The following PHYHIP variants were observed in gnomAD, a reference collection of about 807,000 sequenced individuals.
PHYHIP encodes phytanoyl-CoA 2-hydroxylase interacting protein.
A neutral mutation model predicts 26.1 loss-of-function variants in PHYHIP; 7 were observed. The observed-to-expected ratio is 0.27, with a 90% CI of 0.15 to 0.50. PHYHIP has a LOEUF of 0.50. Ranked by LOEUF, PHYHIP falls within the 20% of genes least tolerant of loss-of-function variation. PHYHIP has a pLI of 0.98. For synonymous variants in PHYHIP, 206 were observed against 183.4 expected (o/e 1.12, Z -1.00); for missense variants, 232 against 454.7 (o/e 0.51, Z 4.45).
At chr8:22,223,318 C>T (rs1829670340) in intron 4 of PHYHIP, among the ~76,000 whole-genome samples, 2 of 149,750 alleles carry the variant, frequency 1.3e-5, no homozygotes, top group South Asian at 2.1e-4. Flanking sequence ...GCAGAGATCG[C>T]GCCCCTGCAC....
intron 4 of PHYHIP, among the ~76,000 whole-genome samples, chr8:22,223,179 A>G (rs1829666615): frequency 6.6e-6 from 1 of 151,952 alleles, no homozygotes; most frequent in Admixed American, 6.6e-5. Context: ...CCTGGCCAAC[A>G]TGGTGAAACC....
intron 2 of PHYHIP, 46 bp downstream of exon 2, chr8:22,228,147 C>G: frequency 6.4e-7 from 1 of 1,562,704 alleles, no homozygotes. Flanking sequence ...CGGCCTCCTT[C>G]AGGAACAGAA....
chr8:22,230,450 CG>C (rs1829843965), intron 1 of PHYHIP, among the ~76,000 whole-genome samples: 1 of 152,126 alleles, frequency 6.6e-6, no homozygotes, highest in Admixed American at 6.5e-5. Flanking sequence ...GACATCCCCC[CG>C]CTAGCTTGGG....
chr8:22,229,733 CCT>C (rs1829830109), intron 1 of PHYHIP, among the ~76,000 whole-genome samples: 1 of 152,192 alleles, frequency 6.6e-6, no homozygotes. Flanking sequence ...CTCTTTTTCT[CCT>C]CCCCTTGCCC....
intron 1 of PHYHIP, among the ~76,000 whole-genome samples, chr8:22,230,406 C>T (rs1829842895): frequency 6.6e-6 from 1 of 152,074 alleles, no homozygotes. Context: ...GTCTGCTTGT[C>T]CCTCCCTCCC....
Position 22,224,290 on chromosome 8 carries a change from C to A in PHYHIP, c.394G>T (p.Gly132Cys). The change falls in exon 4 of 5, where the codon GGC becomes TGC. Residue 132 changes from glycine (G) to cysteine (C), a missense_variant. By Grantham distance (159) the Gly-to-Cys change is radical. Transcript: ENST00000454243. ...QLQEKAEQIA[G>C]RMLRFSVFYR... ...AAGACGGAGAAGCGGAGCATGCGGC[C>A]TGCGATCTGCTCAGCTTTCTCCTGA... 6.2e-7 allele frequency: 1 copy of A among 1,612,958 alleles called. No individual in the cohort carries two copies. Among genetic ancestry groups the A allele is most frequent in the Non-Finnish European group, 8.5e-7 (1 of 1,179,312 alleles).
rs76964668 is a variant in PHYHIP, at chr8:22,227,525, C to T, written c.166-500G>A. On this transcript the variant is annotated intron_variant, in intron 2 of 4. Transcript: ENST00000454243. Reference sequence around the variant, plus strand: ...AAGAGAGCGGGTGAGTAACCCACGCCGGTGCCGTCGGCCTGGGAGCCAGCT... The same window carrying T: ...AAGAGAGCGGGTGAGTAACCCACGCTGGTGCCGTCGGCCTGGGAGCCAGCT... 2.1e-3 allele frequency: 940 copies of T among 442,592 alleles called. 6 individuals carry two copies. Among genetic ancestry groups the T allele is most frequent in the African/African-American group, 0.018 (894 of 49,978 alleles). 27.4% of individuals were successfully genotyped at this position (442,592 alleles called of 1,614,324 possible).
In PHYHIP at chr8:22,224,208, G is replaced by A. The variant is rs747815555; in HGVS notation, c.458+18C>T. On this transcript the variant is annotated intron_variant, in intron 4 of 4. Transcript: ENST00000454243. ...GAGGAGAGGCCCGGCGGGTCCAGCC[G>A]GGAGCCCGCGCCCATACCTGGCATG... is the stretch of plus-strand genomic sequence containing the variant. 3.0e-5 allele frequency: 44 copies of A among 1,465,802 alleles called. No individual in the cohort carries two copies. The highest frequency in any genetic ancestry group is 3.9e-5 in the Non-Finnish European group (41 of 1,047,294). The allele number at this position is 1,465,802 out of a possible 1,614,324, so 90.8% of individuals were successfully genotyped here.
intron 2 of PHYHIP, chr8:22,227,525 C>G: frequency 2.3e-6 from 1 of 442,596 alleles, no homozygotes. Flanking sequence ...TAACCCACGC[C>G]GGTGCCGTCG....
At position 22,221,163 on chromosome 8, in the gene PHYHIP, C is replaced by G. The variant is rs1298192356; in HGVS notation, c.*190G>C. 9.1e-6 allele frequency: 5 copies of G among 551,498 alleles called. No homozygotes were observed. In the East Asian group the frequency reaches 1.4e-4, roughly 16 times the overall value. 34.2% of individuals were successfully genotyped at this position (551,498 alleles called of 1,614,324 possible). On this transcript the variant is annotated 3_prime_UTR_variant, in exon 5 of 5. Transcript: ENST00000454243. This position sits in a 1 kb window ranked among gnomAD's most constrained non-coding sequence, Gnocchi z 7.9. ...GAGAAGCCTTTCCATGTCCACCAGG[C>G]TGGGTGTGGGCCACACTTACCAAGA...
chr8:22,223,081 G>A (rs1586487914), intron 4 of PHYHIP, among the ~76,000 whole-genome samples: 1 of 152,120 alleles, frequency 6.6e-6, no homozygotes, highest in South Asian at 2.1e-4. Flanking sequence ...GACAGACAGA[G>A]GCCGGGCGTG....
intron 4 of PHYHIP, 50 bp downstream of exon 4, chr8:22,224,176 T>C: frequency 9.2e-7 from 1 of 1,087,438 alleles, no homozygotes; most frequent in Non-Finnish European, 1.4e-6. Flanking sequence ...CAGGAAGGGC[T>C]GGGAGGGAGG....
Position 22,221,830 on chromosome 8 carries a change from G to T in PHYHIP, c.516C>A (p.Gly172=). Residue 172 remains glycine (G), a synonymous_variant, in exon 5 of 5, where the codon GGC becomes GGA. Transcript: ENST00000454243. This position sits in a 1 kb window ranked among gnomAD's most constrained non-coding sequence, Gnocchi z 7.9. ...CGTGGAGCATACCGCTGGTGGGGGA[G>T]CCGTGGCTGCCACTGTTGTCCTTCA... ...PYLKDNSGSH[G]SPTSGMLHGV... 6.3e-7 allele frequency: 1 copy of T among 1,585,256 alleles called. No individual in the cohort carries two copies. Among genetic ancestry groups the T allele is most frequent in the African/African-American group, 1.3e-5 (1 of 74,582 alleles).
chr8:22,226,384 G>A (rs970484953), intron 3 of PHYHIP, among the ~76,000 whole-genome samples: 1 of 152,178 alleles, frequency 6.6e-6, no homozygotes, highest in Non-Finnish European at 1.5e-5. Context: ...CTAGCAGAGG[G>A]AAATGGGGGG....
Position 22,221,770 on chromosome 8 carries a change from C to T in PHYHIP, c.576G>A (p.Thr192=), listed in dbSNP as rs771397125. ...AGGGGGAGTCCTGCGGGGGCTGGCC[C>T]GTGTTGAACTCCGTGTTGCAGCTGA... ...VFFSCNTEFN[T]GQPPQDSPYG... The change falls in exon 5 of 5, where the codon ACG becomes ACA. Residue 192 remains threonine (T), a synonymous_variant. Coordinates refer to ENST00000454243, the MANE Select transcript of PHYHIP (RefSeq NM_014759.5). This position sits in a 1 kb window ranked among gnomAD's most constrained non-coding sequence, Gnocchi z 7.9. 20 of 1,612,330 alleles carry T rather than the reference C, an allele frequency of 1.2e-5. No individual in the cohort carries two copies. The highest frequency in any genetic ancestry group is 7.7e-5 in the South Asian group (7 of 90,782).
intron 3 of PHYHIP, among the ~76,000 whole-genome samples, chr8:22,226,442 CT>C (rs1282879774): frequency 3.3e-5 from 5 of 152,116 alleles, no homozygotes; most frequent in Non-Finnish European, 7.3e-5. Flanking sequence ...AAGAAAGGTT[CT>C]GGAGACTGGC....
At position 22,221,458 on chromosome 8, in the gene PHYHIP, C is replaced by T; in HGVS notation, c.888G>A (p.Leu296=). The T allele has an allele frequency of 6.2e-7, 1 of 1,614,156 alleles. No individual in the cohort carries two copies. The highest frequency in any genetic ancestry group is 1.1e-5 in the South Asian group (1 of 91,076). The part of the protein sequence containing the change: ...IIYTEPVDLS[L]GTLGEISGHQ... ...GCCCACTGATCTCCCCCAGGGTGCC[C>T]AGGGACAGGTCGACGGGCTCAGTGT... The change falls in exon 5 of 5, where the codon CTG becomes CTA. Residue 296 remains leucine, a synonymous_variant. Coordinates refer to ENST00000454243, the MANE Select transcript of PHYHIP (RefSeq NM_014759.5). This position sits in a 1 kb window ranked among gnomAD's most constrained non-coding sequence, Gnocchi z 7.9.
rs73551785 is a variant in PHYHIP, at chr8:22,220,315, A to T, written c.*1038T>A. The T allele has an allele frequency of 0.098, 14,934 of 152,716 alleles. 945 individuals are homozygous for T. Among genetic ancestry groups the T allele is most frequent in the African/African-American group, 0.15 (6,157 of 41,554 alleles). 9.5% of individuals were successfully genotyped at this position (152,716 alleles called of 1,614,324 possible). On this transcript the variant is annotated 3_prime_UTR_variant, in exon 5 of 5. Transcript: ENST00000454243. ...AGGGGCTCCCGGCCAGCAGGGTGGC[A>T]GGAGAGCAGACAGAGCCAGTGGGGA...
At chr8:22,231,189 G>A (rs1829858850) in intron 1 of PHYHIP, among the ~76,000 whole-genome samples, 1 of 151,826 alleles carries the variant, frequency 6.6e-6, no homozygotes, top group Admixed American at 6.6e-5. Flanking sequence ...TCCTGCTCTG[G>A]GTCTCACCTC....
Sources: gnomAD v4.1 joint callset for allele counts (sites outside exome capture counted in the v4.1 genomes callset) on GRCh38, gnomAD v4.1.1 for gene constraint, Gnocchi (gnomAD v3.1) non-coding constraint, MANE v1.5 for transcripts, NCBI Gene and HGNC (gene_info 2026-07-23, HGNC 2026-07-21) for gene names.